Variants in SHISA9 observed in about 807,000 individuals in gnomAD.
The protein encoded by SHISA9 is protein shisa-9.
SHISA9 carries 13 observed loss-of-function variants against 38.0 expected under a neutral mutation model. That is an observed-to-expected ratio of 0.34 (90% confidence interval 0.22 to 0.54). SHISA9 has a LOEUF of 0.54. Among genes scored for constraint, SHISA9 ranks in the 20% least tolerant of loss-of-function variants. SHISA9 has a pLI of 0.91. For synonymous variants in SHISA9, 275 were observed against 242.0 expected (o/e 1.14, Z -1.27); for missense variants, 538 against 575.8 (o/e 0.93, Z 0.67).
chr16:13,328,982 G>T, the SHISA9 span, among the ~76,000 whole-genome samples: 13 of 152,090 alleles, frequency 8.5e-5, no homozygotes, highest in African/African-American at 3.1e-4. Flanking sequence ...AGCTTGCACC[G>T]TTGAATGCCG....
chr16:12,998,007 A>G (rs1299042967), intron 2 of SHISA9, among the ~76,000 whole-genome samples: 3 of 152,216 alleles, frequency 2.0e-5, no homozygotes, highest in African/African-American at 4.8e-5. Context: ...CCTTTCCACC[A>G]GAAGAGAAAA....
chr16:13,033,495 A>G (rs1034555828), intron 2 of SHISA9, among the ~76,000 whole-genome samples: 5 of 152,292 alleles, frequency 3.3e-5, no homozygotes, highest in African/African-American at 1.2e-4. Flanking sequence ...CTTCATAATC[A>G]TAGTAGTAGC....
the SHISA9 span, among the ~76,000 whole-genome samples, chr16:13,545,526 C>T: frequency 6.6e-6 from 1 of 152,180 alleles, no homozygotes; most frequent in Non-Finnish European, 1.5e-5. Context: ...AATAGCCCCT[C>T]CACCCCTGAG....
chr16:13,106,613 G>A (rs1181084132), intron 2 of SHISA9, among the ~76,000 whole-genome samples: 1 of 152,124 alleles, frequency 6.6e-6, no homozygotes, highest in Non-Finnish European at 1.5e-5. Flanking sequence ...CAGCTCCAAG[G>A]AGAGAAGACC....
At chr16:13,493,331 A>G in the SHISA9 span, among the ~76,000 whole-genome samples, 1 of 152,296 alleles carries the variant, frequency 6.6e-6, no homozygotes, top group East Asian at 1.9e-4. Context: ...CTGATTTTTT[A>G]CAGTGCCTTA....
chr16:13,360,173 A>G, the SHISA9 span, among the ~76,000 whole-genome samples: 1 of 152,202 alleles, frequency 6.6e-6, no homozygotes, highest in African/African-American at 2.4e-5. Flanking sequence ...GAGAACTACA[A>G]GTGAGAAAGA....
the SHISA9 span, among the ~76,000 whole-genome samples, chr16:13,307,642 G>A: frequency 3.3e-5 from 5 of 152,150 alleles, no homozygotes; most frequent in Admixed American, 1.3e-4. Context: ...CAAAACCTGC[G>A]TGAAGTACAG....
At chr16:13,229,762 C>T (rs565300707) in intron 4 of SHISA9, among the ~76,000 whole-genome samples, 8 of 152,126 alleles carry the variant, frequency 5.3e-5, no homozygotes, top group Non-Finnish European at 1.2e-4. Context: ...TATAAAACAG[C>T]GTAGTCAGTG....
intron 2 of SHISA9, among the ~76,000 whole-genome samples, chr16:13,189,656 G>A (rs1239742336): frequency 6.6e-6 from 1 of 152,212 alleles, no homozygotes; most frequent in Non-Finnish European, 1.5e-5. Flanking sequence ...GATGTGGAAG[G>A]CATGTGTTTA....
the SHISA9 span, among the ~76,000 whole-genome samples, chr16:13,506,868 C>G: frequency 1.6e-4 from 24 of 152,112 alleles, no homozygotes; most frequent in African/African-American, 5.8e-4. Flanking sequence ...GACCCCATCT[C>G]TATTAAAAAT....
At chr16:13,110,250 G>A (rs1281334598) in intron 2 of SHISA9, among the ~76,000 whole-genome samples, 1 of 152,166 alleles carries the variant, frequency 6.6e-6, no homozygotes, top group Non-Finnish European at 1.5e-5. Flanking sequence ...CCGCCTACTA[G>A]TCATTCTGCC....
chr16:13,474,797 G>C, the SHISA9 span, among the ~76,000 whole-genome samples: 1 of 152,138 alleles, frequency 6.6e-6, no homozygotes, highest in Admixed American at 6.6e-5. Context: ...GTGAAAATCA[G>C]GGCATTTCAG....
At chr16:13,006,347 G>A (rs2072597880) in intron 2 of SHISA9, among the ~76,000 whole-genome samples, 1 of 152,068 alleles carries the variant, frequency 6.6e-6, no homozygotes, top group Non-Finnish European at 1.5e-5. Context: ...AAAGAGTCTA[G>A]AGGGAGGAGA....
the SHISA9 span, among the ~76,000 whole-genome samples, chr16:13,398,408 G>C: frequency 6.6e-6 from 1 of 152,210 alleles, no homozygotes; most frequent in South Asian, 2.1e-4. Context: ...GTTGTTCAAG[G>C]GTCAGCTGTA....
At chr16:13,344,398 C>A in the SHISA9 span, among the ~76,000 whole-genome samples, 5 of 152,138 alleles carry the variant, frequency 3.3e-5, no homozygotes, top group Admixed American at 3.3e-4. Flanking sequence ...CCAAGTGCTG[C>A]AAACTTGTTT....
chr16:13,240,715 G>A (rs758336953), downstream of SHISA9, among the ~76,000 whole-genome samples: 19 of 152,160 alleles, frequency 1.2e-4, no homozygotes, highest in Non-Finnish European at 2.4e-4. Flanking sequence ...TAATGGTCAA[G>A]AATCTTGCTG....
the SHISA9 span, among the ~76,000 whole-genome samples, chr16:13,321,904 T>G: frequency 6.6e-6 from 1 of 152,232 alleles, no homozygotes; most frequent in Non-Finnish European, 1.5e-5. Flanking sequence ...AGGAATTATG[T>G]CTTATGGATT....
In SHISA9 at chr16:13,110,335, C is replaced by G. The variant is rs184519030; in HGVS notation, c.692-93059C>G. ...GACGTCTGTGGCTGTCTGAACGTGGCTTTTTCTCCAGATGGGACAGATGCA... is the reference window on the plus strand; with the variant it reads ...GACGTCTGTGGCTGTCTGAACGTGGGTTTTTCTCCAGATGGGACAGATGCA... On this transcript the variant is annotated intron_variant, in intron 2 of 4. Transcript: ENST00000558583. Among the ~76,000 whole-genome samples the G allele has an allele frequency of 4.5e-3, 690 of 152,298 alleles. 8 individuals carry two copies. The highest frequency in any genetic ancestry group is 0.016 in the African/African-American group (662 of 41,558).
In SHISA9 at chr16:12,964,465, C is replaced by T. The variant is rs192451259; in HGVS notation, c.691+47650C>T. 4.6e-5 allele frequency among the ~76,000 whole-genome samples: 7 copies of T among 151,178 alleles called. No individual in the cohort carries two copies. The East Asian group carries it at 1.4e-3, about 29-fold the overall frequency. ...TACCTAACTAAAAAGTTCAAAGGTA[C>T]AGTGGCCATCAGGAAAGGTTTGATC... On this transcript the variant is annotated intron_variant, in intron 2 of 4. Coordinates refer to ENST00000558583, the MANE Select transcript of SHISA9 (RefSeq NM_001145204.3).
Sources: gnomAD v4.1 joint callset for allele counts (sites outside exome capture counted in the v4.1 genomes callset) on GRCh38, gnomAD v4.1.1 for gene constraint, MANE v1.5 for transcripts, NCBI Gene and HGNC (gene_info 2026-07-23, HGNC 2026-07-21) for gene names.